Variants in CEP170B observed in about 807,000 individuals in gnomAD.
CEP170B encodes the protein centrosomal protein 170B.
CEP170B carries 55 observed loss-of-function variants against 120.6 expected under a neutral mutation model. The ratio of observed to expected loss-of-function variants is 0.46; its 90% confidence interval spans 0.37 to 0.57. CEP170B has a LOEUF of 0.57. CEP170B is among the 20% of genes least tolerant of loss of function. The probability of loss-of-function intolerance (pLI) is 0.00; values close to 1 mark genes in which losing one functional copy is unlikely to be tolerated. For synonymous variants in CEP170B, 1,033 were observed against 954.5 expected, an observed-to-expected ratio of 1.08 and a Z score of -1.52; for missense variants, 2,212 against 2,253.3, an observed-to-expected ratio of 0.98 and a Z score of 0.37.
At chr14:104,890,625 A>G (rs1236229313) in intron 13 of CEP170B, among the ~76,000 whole-genome samples, 133 of 50,266 alleles carry the variant, frequency 2.6e-3, no homozygotes, top group Middle Eastern at 0.02. Flanking sequence ...AGGATGGATG[A>G]GTGGGTGGGT....
rs770325754 is a variant in CEP170B, at chr14:104,887,363, G to C, written c.3124G>C (p.Asp1042His). 4.3e-6 allele frequency: 7 copies of C among 1,612,042 alleles called. No homozygotes were observed. The highest frequency in any genetic ancestry group is 1.7e-4 in the Middle Eastern group (1 of 6,058). ...TGGCCACAGGCCCCGAGGGTCCCTGGATTGGCCCAGTGAGGAGCGTGGCCC... is the reference window on the plus strand; with the variant it reads ...TGGCCACAGGCCCCGAGGGTCCCTGCATTGGCCCAGTGAGGAGCGTGGCCC... ...RRGHRPRGSL[D>H]WPSEERGPVL... Residue 1042 changes from aspartate to histidine, a missense_variant, in exon 12 of 19, where the codon GAT becomes CAT. By Grantham distance (81) the Asp-to-His change is moderately conservative (BLOSUM62 -1). Around this residue, in one of 2 missense-constraint regions of CEP170B, gnomAD observed 2,166 missense variants for 2,166.7 expected, o/e 1.00. Coordinates refer to ENST00000414716, the MANE Select transcript of CEP170B (RefSeq NM_001112726.3).
rs757379746 is a variant in CEP170B, at chr14:104,884,151, A to G, written c.1372A>G (p.Ser458Gly). The G allele has an allele frequency of 6.4e-7, 1 of 1,554,944 alleles. No homozygotes were observed. Among genetic ancestry groups the G allele is most frequent in the South Asian group, 1.2e-5 (1 of 84,930 alleles). ...VPAPVQAGGRSSGPQRAGSLK... is the reference protein window; with the variant it reads ...VPAPVQAGGRGSGPQRAGSLK... ...AGCCCCAGTCCAGGCAGGGGGCCGC[A>G]GCTCGGGGCCACAGAGGGCCGGCTC... The change falls in exon 9 of 19, where the codon AGC becomes GGC. Residue 458 changes from serine (S) to glycine (G), a missense_variant. Around this residue, in one of 2 missense-constraint regions of CEP170B, gnomAD observed 2,166 missense variants for 2,166.7 expected, o/e 1.00. Coordinates refer to ENST00000414716, the MANE Select transcript of CEP170B (RefSeq NM_001112726.3).
chr14:104,893,921 C>A, intron 16 of CEP170B, 72 bp downstream of exon 16: 1 of 1,409,098 alleles, frequency 7.1e-7, no homozygotes, highest in Non-Finnish European at 9.9e-7. Context: ...CTCAGCCTGG[C>A]TGAATCCCTC....
intron 14 of CEP170B, 52 bp from the exon 15 acceptor site, chr14:104,893,471 C>G: frequency 6.4e-7 from 1 of 1,564,366 alleles, no homozygotes; most frequent in Non-Finnish European, 8.7e-7. Flanking sequence ...GCAGCCACAG[C>G]CTGGCAGGAG....
At chr14:104,893,384 G>A (rs1896942056) in intron 14 of CEP170B, 139 bp from the exon 15 acceptor site, 1 of 1,164,194 alleles carries the variant, frequency 8.6e-7, no homozygotes, top group East Asian at 2.6e-5. Flanking sequence ...CCATGGCGGG[G>A]CAGGGGCACA....
chr14:104,883,714 C>G, intron 8 of CEP170B, 117 bp from the exon 9 acceptor site: 1 of 1,174,804 alleles, frequency 8.5e-7, no homozygotes, highest in Non-Finnish European at 1.2e-6. Flanking sequence ...TGGGGGGGCC[C>G]TGAGGGCTGG....
chr14:104,868,416 T>C lies in CEP170B; in HGVS notation c.-27-8T>C. ...GGAGCCCCACTCTAACAATCCCCTCTTCCCCAGGGCCAGACGGGCCCAGCC... is the reference window on the plus strand; with the variant it reads ...GGAGCCCCACTCTAACAATCCCCTCCTCCCCAGGGCCAGACGGGCCCAGCC... On this transcript the variant is annotated splice_region_variant and splice_polypyrimidine_tract_variant and intron_variant, in intron 1 of 18. Coordinates refer to ENST00000414716, the MANE Select transcript of CEP170B (RefSeq NM_001112726.3). The surrounding 1 kb of genome is among the most constrained non-coding windows in gnomAD (Gnocchi z 5.9). The C allele has an allele frequency of 6.5e-7, 1 of 1,539,742 alleles. No homozygotes were observed. Among genetic ancestry groups the C allele is most frequent in the Non-Finnish European group, 8.8e-7 (1 of 1,140,324 alleles).
chr14:104,868,223 C>T lies in CEP170B; in HGVS notation c.-27-201C>T, dbSNP rs191070524. 2.0e-5 allele frequency among the ~76,000 whole-genome samples: 3 copies of T among 152,164 alleles called. No individual in the cohort carries two copies. The highest frequency in any genetic ancestry group is 6.5e-5 in the Admixed American group (1 of 15,284). ...CAGGGATGGACGTGATGGGAAAGGCCGGTCACGAGGGCAAAGGCCTGGCAG... is the reference window on the plus strand; with the variant it reads ...CAGGGATGGACGTGATGGGAAAGGCTGGTCACGAGGGCAAAGGCCTGGCAG... On this transcript the variant is annotated intron_variant, in intron 1 of 18. Transcript: ENST00000414716. This position sits in a 1 kb window ranked among gnomAD's most constrained non-coding sequence, Gnocchi z 5.9.
In CEP170B at chr14:104,895,264, C is replaced by T. The variant is rs1337477646; in HGVS notation, c.*306C>T. The T allele has an allele frequency of 2.6e-6, 1 of 383,178 alleles. No individual in the cohort carries two copies. The highest frequency in any genetic ancestry group is 4.7e-6 in the Non-Finnish European group (1 of 214,850). The allele number at this position is 383,178 out of a possible 1,614,324, so 23.7% of individuals were successfully genotyped here. A position where few individuals can be genotyped will look rare whatever the true frequency, so the allele number is the denominator to read the frequency against. On this transcript the variant is annotated 3_prime_UTR_variant, in exon 19 of 19. Transcript: ENST00000414716. ...GGGCATTACCCCGCCTCCTCTTCAT[C>T]ACTGTTATTTTTGTCTTTAGCTTTA...
chr14:104,869,657 C>T (rs557532834), intron 2 of CEP170B, among the ~76,000 whole-genome samples: 7 of 152,256 alleles, frequency 4.6e-5, no homozygotes, highest in East Asian at 1.9e-4. Flanking sequence ...GTGAGCAGGG[C>T]GTGAGGCTTT....
intron 9 of CEP170B, 100 bp from the exon 10 acceptor site, chr14:104,885,269 T>TCCC: frequency 7.4e-7 from 1 of 1,349,654 alleles, no homozygotes; most frequent in Non-Finnish European, 9.8e-7. Context: ...GCCAACCAGG[T>TCCC]CCCTGCTCTC....
intron 10 of CEP170B, 22 bp from the exon 11 acceptor site, chr14:104,886,018 A>G (rs1896473251): frequency 2.0e-6 from 3 of 1,509,392 alleles, no homozygotes; most frequent in Non-Finnish European, 1.8e-6. Context: ...GTGTGGAAAC[A>G]CTCCCACCCT....
Position 104,886,755 on chromosome 14 carries a change from G to A in CEP170B, c.2516G>A (p.Ser839Asn). ...CCAGCACGGGATGGCGTCTATGTCA[G>A]TGCCAATGGGAGAATGGTCATCCAG... ...SPPARDGVYV[S>N]ANGRMVIQLR... The change falls in exon 12 of 19, where the codon AGT (serine) becomes AAT (asparagine). Residue 839 changes from serine to asparagine, a missense_variant. Physicochemically the swap from Ser to Asn is conservative, Grantham distance 46. Around this residue, in one of 2 missense-constraint regions of CEP170B, gnomAD observed 2,166 missense variants for 2,166.7 expected, o/e 1.00. Coordinates refer to ENST00000414716, the MANE Select transcript of CEP170B (RefSeq NM_001112726.3). The A allele has an allele frequency of 6.2e-7, 1 of 1,611,648 alleles. No homozygotes were observed. The highest frequency in any genetic ancestry group is 1.1e-5 in the South Asian group (1 of 91,054).
intron 13 of CEP170B, 135 bp downstream of exon 13, chr14:104,889,893 GATGGATGGA>G: frequency 1.2e-6 from 1 of 806,582 alleles, no homozygotes; most frequent in Non-Finnish European, 1.9e-6. Context: ...TGGCTGGCTG[GATGGATGGA>G]CAAATGGATG....
intron 12 of CEP170B, 57 bp downstream of exon 12, chr14:104,888,035 C>T (rs1595352492): frequency 7.0e-7 from 1 of 1,428,920 alleles, no homozygotes; most frequent in East Asian, 2.5e-5. Context: ...AGTGGGTCTG[C>T]AGCATCTTGG....
At chr14:104,888,238 C>A (rs1183543175) in intron 12 of CEP170B, among the ~76,000 whole-genome samples, 1 of 152,208 alleles carries the variant, frequency 6.6e-6, no homozygotes, top group Non-Finnish European at 1.5e-5. Flanking sequence ...CTTCCATCCC[C>A]CAGGGTGTGC....
At chr14:104,893,982 C>G (rs536392654) in intron 16 of CEP170B, 133 bp downstream of exon 16, 1 of 838,286 alleles carries the variant, frequency 1.2e-6, no homozygotes, top group Admixed American at 2.1e-5. Context: ...GCAGCCCTCC[C>G]GTGTGCACGT....
intron 13 of CEP170B, among the ~76,000 whole-genome samples, chr14:104,889,972 G>A (rs1169273742): frequency 7.5e-5 from 2 of 26,760 alleles, no homozygotes; most frequent in Non-Finnish European, 1.7e-4. Context: ...ATGGATAGGA[G>A]GGTGGGTGGG....
At chr14:104,872,435 G>GTGC (rs770786844) in intron 2 of CEP170B, among the ~76,000 whole-genome samples, 11,539 of 72,264 alleles carry the variant, frequency 0.16, 2,567 homozygotes, top group Middle Eastern at 0.41. Context: ...GTGCGTGTGT[G>GTGC]CGTGTGTGTG....
Sources: gnomAD v4.1 joint callset for allele counts (sites outside exome capture counted in the v4.1 genomes callset) on GRCh38, gnomAD v4.1.1 for gene constraint, gnomAD v4.1.1 regional missense constraint, Gnocchi (gnomAD v3.1) non-coding constraint, MANE v1.5 for transcripts, NCBI Gene and HGNC (gene_info 2026-07-23, HGNC 2026-07-21) for gene names.